Variants in CFAP45 observed in about 807,000 individuals in gnomAD.
CFAP45 encodes cilia- and flagella-associated protein 45.
In CFAP45, 43 loss-of-function variants were observed where a neutral mutation model predicts 75.6. The observed-to-expected ratio is 0.57, with a 90% CI of 0.45 to 0.73. The LOEUF (loss-of-function observed/expected upper bound fraction) is 0.73, where lower values mean the gene tolerates loss of function less well. CFAP45 is among the 30% of genes least tolerant of loss of function. The probability of loss-of-function intolerance (pLI) is 0.00; values close to 1 mark genes in which losing one functional copy is unlikely to be tolerated. For missense variants in CFAP45, 689 were observed against 701.5 expected (o/e 0.98, Z 0.20); for synonymous variants, 223 against 244.6 (o/e 0.91, Z 0.82).
At chr1:159,897,044 C>T (rs1226619578) in intron 1 of CFAP45, among the ~76,000 whole-genome samples, 3 of 149,868 alleles carry the variant, frequency 2.0e-5, no homozygotes, top group Non-Finnish European at 4.5e-5. Context: ...TGGGTGGATC[C>T]ATCGAACTCA....
At position 159,883,884 on chromosome 1, in the gene CFAP45, G is replaced by A. The variant is rs910767922; in HGVS notation, c.897+552C>T. Among the ~76,000 whole-genome samples the A allele has an allele frequency of 3.3e-5, 5 of 152,142 alleles. No homozygotes were observed. The East Asian group carries it at 9.6e-4, about 29-fold the overall frequency. On this transcript the variant is annotated intron_variant, in intron 7 of 11. Transcript: ENST00000368099. Reference sequence around the variant, plus strand: ...AGCCCAGAGAAGGCATACAGAAGATGACTTTTTAAGTCTTCTTAGTTTGGG... The same window carrying A: ...AGCCCAGAGAAGGCATACAGAAGATAACTTTTTAAGTCTTCTTAGTTTGGG...
At chr1:159,898,863 C>A (rs1333176283) in intron 1 of CFAP45, among the ~76,000 whole-genome samples, 2 of 152,148 alleles carry the variant, frequency 1.3e-5, no homozygotes, top group African/African-American at 4.8e-5. Flanking sequence ...ACCCCAATTA[C>A]AACACTGCAG....
chr1:159,894,131 T>C (rs1406514207), intron 1 of CFAP45, among the ~76,000 whole-genome samples: 1 of 152,110 alleles, frequency 6.6e-6, no homozygotes, highest in Non-Finnish European at 1.5e-5. Flanking sequence ...AAAACAAAAC[T>C]GTTTTGTTTT....
chr1:159,873,471 A>G, intron 10 of CFAP45: 1 of 412,112 alleles, frequency 2.4e-6, no homozygotes, highest in Non-Finnish European at 4.4e-6. Flanking sequence ...AATTCTTAAT[A>G]ATTTTTGAAC....
At chr1:159,886,416 A>G in intron 6 of CFAP45, 95 bp downstream of exon 6, 1 of 1,032,764 alleles carries the variant, frequency 9.7e-7, no homozygotes, top group Non-Finnish European at 1.5e-6. Flanking sequence ...GACAATAATG[A>G]CCATTTCTCA....
Position 159,890,520 on chromosome 1 carries a change from T to C in CFAP45, c.232A>G (p.Thr78Ala). 6.2e-7 allele frequency: 1 copy of C among 1,614,122 alleles called. No homozygotes were observed. The highest frequency in any genetic ancestry group is 1.1e-5 in the South Asian group (1 of 91,076). Residue 78 changes from threonine (T) to alanine (A), a missense_variant, in exon 3 of 12, where the codon ACC becomes GCC. Physicochemically the swap from Thr to Ala is moderately conservative, Grantham distance 58. Coordinates refer to ENST00000368099, the MANE Select transcript of CFAP45 (RefSeq NM_012337.3). ...ATGTCCCGGGTGATGAGCTGGATGG[T>C]CTCTGGCTTGCGATCCAAGCCCAAA... is the stretch of plus-strand genomic sequence containing the variant. ...TALGLDRKPETIQLITRDMVR... is the reference protein window; with the variant it reads ...TALGLDRKPEAIQLITRDMVR...
At chr1:159,883,060 C>T (rs1269571004) in intron 7 of CFAP45, among the ~76,000 whole-genome samples, 1 of 152,202 alleles carries the variant, frequency 6.6e-6, no homozygotes, top group African/African-American at 2.4e-5. Flanking sequence ...TGCCCACCTG[C>T]AGCACTCTTC....
chr1:159,893,812 G>C (rs1241048224), intron 1 of CFAP45, among the ~76,000 whole-genome samples: 2 of 151,920 alleles, frequency 1.3e-5, no homozygotes, highest in African/African-American at 4.8e-5. Context: ...GCAAGGTCTA[G>C]TATTTGATAG....
chr1:159,877,218 A>G (rs1453050910), intron 9 of CFAP45, 131 bp downstream of exon 9: 2 of 756,904 alleles, frequency 2.6e-6, no homozygotes, highest in African/African-American at 1.7e-5. Context: ...TCCTTCTCAG[A>G]CTACTGAAGT....
intron 7 of CFAP45, among the ~76,000 whole-genome samples, chr1:159,881,417 G>A (rs1649547742): frequency 6.6e-6 from 1 of 152,158 alleles, no homozygotes; most frequent in Non-Finnish European, 1.5e-5. Flanking sequence ...CACTTAAGGT[G>A]GCGACACACC....
chr1:159,887,249 A>G (rs1055045055), intron 5 of CFAP45, among the ~76,000 whole-genome samples: 28 of 152,344 alleles, frequency 1.8e-4, no homozygotes, highest in South Asian at 1.2e-3. Flanking sequence ...TAGAAAATTA[A>G]AGGAGGCATA....
chr1:159,885,194 A>C (rs1649649958), intron 6 of CFAP45, among the ~76,000 whole-genome samples: 2 of 152,228 alleles, frequency 1.3e-5, no homozygotes, highest in Non-Finnish European at 2.9e-5. Context: ...TAAAGAGTAA[A>C]AGGGTTACAT....
At chr1:159,898,847 T>C (rs1371545585) in intron 1 of CFAP45, among the ~76,000 whole-genome samples, 2 of 151,954 alleles carry the variant, frequency 1.3e-5, no homozygotes, top group African/African-American at 4.8e-5. Context: ...AAGGGGACGC[T>C]CCCCCACCCC....
rs754460728 is a variant in CFAP45 at position 159,877,442 on chromosome 1, C to A, written c.1065G>T (p.Glu355Asp). 3.1e-6 allele frequency: 5 copies of A among 1,614,056 alleles called. No individual in the cohort carries two copies. In the East Asian group the frequency reaches 1.1e-4, roughly 36 times the overall value. ...CCCTCCGGATTCTCTCCTGCTCAGCCTCAAACTCTGCTTCTCGAGCCTGCC... is the reference window on the plus strand; with the variant it reads ...CCCTCCGGATTCTCTCCTGCTCAGCATCAAACTCTGCTTCTCGAGCCTGCC... ...KKKMAREAEF[E>D]AEQERIRREK... Residue 355 changes from glutamate to aspartate, a missense_variant, in exon 9 of 12, where the codon GAG becomes GAT. Transcript: ENST00000368099.
intron 1 of CFAP45, among the ~76,000 whole-genome samples, chr1:159,899,823 G>A (rs1466159550): frequency 1.3e-5 from 2 of 152,156 alleles, no homozygotes; most frequent in African/African-American, 2.4e-5. Context: ...AGGCCCCGCT[G>A]TAATGGCAAC....
At chr1:159,880,384 G>A (rs1007977843) in intron 8 of CFAP45, among the ~76,000 whole-genome samples, 170 bp downstream of exon 8, 2 of 152,148 alleles carry the variant, frequency 1.3e-5, no homozygotes, top group Non-Finnish European at 2.9e-5. Context: ...ACGAACAAGT[G>A]GACTGGCTAA....
rs761733171 is a variant in CFAP45, at chr1:159,887,915, G to T, written c.514C>A (p.Arg172=). 1 of 1,614,216 alleles carries T rather than the reference G, an allele frequency of 6.2e-7. No individual in the cohort carries two copies. Among genetic ancestry groups the T allele is most frequent in the Admixed American group, 1.7e-5 (1 of 60,028 alleles). The change falls in exon 5 of 12, where the codon CGG becomes AGG. Residue 172 remains arginine, a synonymous_variant. Transcript: ENST00000368099. ...LSDLEEVAKE[R]AQNLLQRANK... is the part of the protein sequence containing the mutation. ...GCTCTCTGCAGGAGGTTCTGGGCCC[G>T]TTCCTTGGCCACCTCCTCCAGGTCA...
chr1:159,873,849 C>CCTTCCTTGCTTCCTTCCTTCTTCCTTG (rs1553221150), intron 10 of CFAP45, among the ~76,000 whole-genome samples: 3 of 136,692 alleles, frequency 2.2e-5, no homozygotes, highest in Non-Finnish European at 4.8e-5. Context: ...TTCCTTCCTT[C>CCTTCCTTGCTTCCTTCCTTCTTCCTTG]CTTCCTTCCT....
At chr1:159,880,112 T>G (rs919066059) in intron 8 of CFAP45, among the ~76,000 whole-genome samples, 3 of 152,146 alleles carry the variant, frequency 2.0e-5, no homozygotes, top group Non-Finnish European at 4.4e-5. Flanking sequence ...TGGTGGGAGA[T>G]GGGGGAAGAC....
Sources: gnomAD v4.1 joint callset for allele counts (sites outside exome capture counted in the v4.1 genomes callset) on GRCh38, gnomAD v4.1.1 for gene constraint, MANE v1.5 for transcripts, NCBI Gene and HGNC (gene_info 2026-07-23, HGNC 2026-07-21) for gene names.